The following GRIA1 variants were observed in gnomAD, a reference collection of about 807,000 sequenced individuals.
GRIA1 encodes glutamate receptor 1.
A neutral mutation model predicts 99.2 loss-of-function variants in GRIA1; 31 were observed. The ratio of observed to expected loss-of-function variants is 0.31; its 90% CI spans 0.23 to 0.42. The LOEUF is 0.42. GRIA1 is among the 10% of genes least tolerant of loss of function. The pLI is 1.00. For missense variants in GRIA1, 782 were observed against 1,157.5 expected, an observed-to-expected ratio of 0.68 and a Z score of 4.71; for synonymous variants, 438 against 432.4, an observed-to-expected ratio of 1.01 and a Z score of -0.16.
chr5:153,774,967 T>G (rs958186181), intron 13 of GRIA1, among the ~76,000 whole-genome samples: 3 of 152,208 alleles, frequency 2.0e-5, no homozygotes, highest in Non-Finnish European at 4.4e-5. Context: ...TTGAAACAGA[T>G]GCTGTTTGTT....
chr5:153,522,316 A>G (rs1180558236), intron 2 of GRIA1, among the ~76,000 whole-genome samples: 1 of 152,198 alleles, frequency 6.6e-6, no homozygotes, highest in Admixed American at 6.5e-5. Context: ...AGTTGTTATT[A>G]TTGATATTTA....
At chr5:153,626,444 CTGTGTGTGTGTG>C (rs3036985) in intron 2 of GRIA1, among the ~76,000 whole-genome samples, 3,634 of 142,414 alleles carry the variant, frequency 0.026, 80 homozygotes, top group Middle Eastern at 0.055. Context: ...GTGTGTGTGT[CTGTGTGTGTGTG>C]TGTGTGTGTG....
At chr5:153,543,332 G>A (rs1383376203) in intron 2 of GRIA1, among the ~76,000 whole-genome samples, 1 of 152,188 alleles carries the variant, frequency 6.6e-6, no homozygotes, top group Non-Finnish European at 1.5e-5. Flanking sequence ...AACATTTGTA[G>A]AGAGTTTACT....
chr5:153,787,792 T>G (rs1765059236), intron 13 of GRIA1, among the ~76,000 whole-genome samples: 1 of 152,100 alleles, frequency 6.6e-6, no homozygotes, highest in Admixed American at 6.5e-5. Flanking sequence ...AAACTGACTC[T>G]CCACTTGGAC....
At chr5:153,670,722 C>A (rs904229527) in intron 5 of GRIA1, among the ~76,000 whole-genome samples, 3 of 151,894 alleles carry the variant, frequency 2.0e-5, no homozygotes, top group East Asian at 1.9e-4. Flanking sequence ...TTTAATTAAA[C>A]CTTATTTAAT....
rs556540085 is a variant in GRIA1, at chr5:153,512,883, T to A, written c.220+18818T>A. On this transcript the variant is annotated intron_variant, in intron 2 of 15. Transcript: ENST00000285900. ...ATGGTAGTGGGTTTAGCTGTCGTCA[T>A]GAGGATGTCATCCTCATAATGGATT... 8.2e-4 allele frequency among the ~76,000 whole-genome samples: 125 copies of A among 152,308 alleles called. 1 individual carries two copies. The highest frequency in any genetic ancestry group is 2.9e-3 in the African/African-American group (122 of 41,570).
intron 7 of GRIA1, among the ~76,000 whole-genome samples, chr5:153,681,646 C>T (rs1756976916): frequency 6.6e-6 from 1 of 152,142 alleles, no homozygotes; most frequent in African/African-American, 2.4e-5. Flanking sequence ...CTTGCCTTTT[C>T]CAGATCTGGA....
At chr5:153,719,106 C>T (rs1759867429) in intron 11 of GRIA1, among the ~76,000 whole-genome samples, 1 of 152,112 alleles carries the variant, frequency 6.6e-6, no homozygotes, top group African/African-American at 2.4e-5. Context: ...TTCTTTACAT[C>T]TCAAGAGTGA....
At chr5:153,581,458 T>C (rs1273023454) in intron 2 of GRIA1, among the ~76,000 whole-genome samples, 3 of 152,176 alleles carry the variant, frequency 2.0e-5, no homozygotes, top group Non-Finnish European at 2.9e-5. Flanking sequence ...TGTGCTCAAA[T>C]ATGCCAAGTT....
intron 2 of GRIA1, among the ~76,000 whole-genome samples, chr5:153,520,331 A>G (rs1757023135): frequency 6.6e-6 from 1 of 152,218 alleles, no homozygotes; most frequent in Admixed American, 6.5e-5. Context: ...CTCTCAGGGG[A>G]ATCCAGAACA....
chr5:153,638,394 A>T (rs924976452), intron 2 of GRIA1, among the ~76,000 whole-genome samples: 4 of 152,240 alleles, frequency 2.6e-5, no homozygotes, highest in African/African-American at 9.6e-5. Flanking sequence ...AATTTATGAA[A>T]TACTGCAATC....
chr5:153,686,853 A>G (rs1757375437), intron 8 of GRIA1, among the ~76,000 whole-genome samples: 1 of 152,226 alleles, frequency 6.6e-6, no homozygotes, highest in Non-Finnish European at 1.5e-5. Context: ...TCCTTGGAAT[A>G]ACATTTCGAA....
chr5:153,770,080 A>G, intron 12 of GRIA1, 88 bp from the exon 13 acceptor site: 2 of 1,327,044 alleles, frequency 1.5e-6, no homozygotes, highest in Non-Finnish European at 2.1e-6. Context: ...TGAATGTGTG[A>G]TCAAGCTACA....
intron 2 of GRIA1, among the ~76,000 whole-genome samples, chr5:153,646,292 G>T (rs1754140935): frequency 6.2e-5 from 2 of 32,472 alleles, no homozygotes; most frequent in African/African-American, 2.5e-4. Flanking sequence ...AGAGTTAAGG[G>T]CTGGGCTAGA....
rs547766155 is a variant in GRIA1, at chr5:153,650,530, A to G, written c.645+16A>G. 1 of 1,612,150 alleles carries G rather than the reference A, an allele frequency of 6.2e-7. No homozygotes were observed. Among genetic ancestry groups the G allele is most frequent in the African/African-American group, 1.3e-5 (1 of 74,976 alleles). ...CTTGGGCCAGGTAGTGAAAGCAGCAAGGGCTCAGGGTGGGTGCGGGAGGTG... is the reference window on the plus strand; with the variant it reads ...CTTGGGCCAGGTAGTGAAAGCAGCAGGGGCTCAGGGTGGGTGCGGGAGGTG... On this transcript the variant is annotated intron_variant, in intron 4 of 15. Coordinates refer to ENST00000285900, the MANE Select transcript of GRIA1 (RefSeq NM_000827.4).
intron 2 of GRIA1, among the ~76,000 whole-genome samples, chr5:153,564,554 T>C (rs1761448436): frequency 2.0e-5 from 3 of 152,182 alleles, no homozygotes; most frequent in Admixed American, 6.5e-5. Context: ...TGAAATCATC[T>C]AAAGACTTAT....
chr5:153,755,494 A>G (rs970028940), intron 11 of GRIA1: 1 of 152,148 alleles, frequency 6.6e-6, no homozygotes, highest in Non-Finnish European at 1.5e-5. Flanking sequence ...TCAGGTGTCC[A>G]CACTAAATTT....
intron 5 of GRIA1, among the ~76,000 whole-genome samples, chr5:153,672,657 G>C (rs1442477874): frequency 1.3e-5 from 2 of 152,168 alleles, no homozygotes; most frequent in Non-Finnish European, 2.9e-5. Flanking sequence ...TATTCTTTTA[G>C]ATAGAAAAAT....
At chr5:153,637,786 A>C (rs1313784373) in intron 2 of GRIA1, among the ~76,000 whole-genome samples, 1 of 152,112 alleles carries the variant, frequency 6.6e-6, no homozygotes, top group Admixed American at 6.5e-5. Context: ...GGGGAGTATT[A>C]CGTATCTTCC....
Sources: allele counts gnomAD v4.1 joint callset (sites outside exome capture counted in the v4.1 genomes callset), GRCh38; gene constraint gnomAD v4.1.1; transcripts MANE v1.5; gene names NCBI Gene and HGNC (gene_info 2026-07-23, HGNC 2026-07-21).